Variants in MCC observed in about 807,000 individuals in gnomAD.
MCC encodes colorectal mutant cancer protein.
MCC carries 90 observed loss-of-function variants against 116.2 expected under a neutral mutation model. The ratio of observed to expected loss-of-function variants is 0.77; its 90% CI spans 0.65 to 0.92. The LOEUF (loss-of-function observed/expected upper bound fraction) is 0.92, where lower values mean the gene tolerates loss of function less well. Among genes scored for constraint, MCC ranks in the 40% least tolerant of loss-of-function variants. MCC has a pLI of 0.00. For synonymous variants in MCC, 578 were observed against 510.5 expected (o/e 1.13, Z -1.78); for missense variants, 1,516 against 1,312.2 (o/e 1.16, Z -2.40).
chr5:113,254,381 A>C (rs1581323239), intron 3 of MCC, among the ~76,000 whole-genome samples: 1 of 152,250 alleles, frequency 6.6e-6, no homozygotes, highest in Non-Finnish European at 1.5e-5. Flanking sequence ...CAAGAATAAA[A>C]GGAAAATAAA....
At chr5:113,255,539 C>G (rs1349696305) in intron 3 of MCC, among the ~76,000 whole-genome samples, 2 of 152,124 alleles carry the variant, frequency 1.3e-5, no homozygotes, top group African/African-American at 4.8e-5. Context: ...CTGAATGAAG[C>G]CCAGTTTGAT....
At chr5:113,416,714 A>G (rs1402352524) in intron 1 of MCC, among the ~76,000 whole-genome samples, 2 of 152,050 alleles carry the variant, frequency 1.3e-5, no homozygotes, top group East Asian at 3.9e-4. Flanking sequence ...GAGAGGAGAG[A>G]AATATACTTT....
At chr5:113,446,086 A>C (rs1428735064) in intron 1 of MCC, among the ~76,000 whole-genome samples, 1 of 152,256 alleles carries the variant, frequency 6.6e-6, no homozygotes, top group Non-Finnish European at 1.5e-5. Flanking sequence ...CACCATATAT[A>C]AAAATTAACT....
At chr5:113,342,410 C>G (rs1768039979) in intron 2 of MCC, among the ~76,000 whole-genome samples, 1 of 152,130 alleles carries the variant, frequency 6.6e-6, no homozygotes, top group Non-Finnish European at 1.5e-5. Context: ...TAAGGAACTT[C>G]CATTGTTTTT....
intron 2 of MCC, among the ~76,000 whole-genome samples, chr5:113,373,851 C>A (rs1388132540): frequency 6.6e-6 from 1 of 152,124 alleles, no homozygotes; most frequent in African/African-American, 2.4e-5. Context: ...CACATTTTCA[C>A]TGCAGGATTG....
chr5:113,025,474 A>G lies in MCC; in HGVS notation c.*1828T>C, dbSNP rs1750474350. On this transcript the variant is annotated 3_prime_UTR_variant, in exon 19 of 19. Transcript: ENST00000408903. ...ACCCTGTCTCTACTAAAAATACAAA[A>G]AAACTAGCTGGGTATGGTGGCGGGC... The G allele has an allele frequency of 1.3e-5, 2 of 151,878 alleles. No individual in the cohort carries two copies. The highest frequency in any genetic ancestry group is 2.4e-5 in the African/African-American group (1 of 41,304). 9.4% of individuals were successfully genotyped at this position (151,878 alleles called of 1,614,324 possible).
At chr5:113,084,286 T>C (rs568104102) in intron 9 of MCC, 96 bp from the exon 10 acceptor site, 1 of 931,186 alleles carries the variant, frequency 1.1e-6, no homozygotes, top group Non-Finnish European at 1.7e-6. Context: ...TTTAGCCATG[T>C]CAACTAAATG....
intron 3 of MCC, among the ~76,000 whole-genome samples, chr5:113,338,965 T>C (rs1432151246): frequency 1.3e-5 from 2 of 152,194 alleles, no homozygotes; most frequent in Non-Finnish European, 2.9e-5. Flanking sequence ...ATAAATTTTT[T>C]ATTTTATAAT....
intron 14 of MCC, among the ~76,000 whole-genome samples, chr5:113,054,629 G>T (rs1299380944): frequency 6.6e-6 from 1 of 152,182 alleles, no homozygotes; most frequent in Admixed American, 6.5e-5. Flanking sequence ...AAAAACACAG[G>T]GGTGCACAAC....
intron 1 of MCC, among the ~76,000 whole-genome samples, chr5:113,386,723 T>C (rs1404414165): frequency 6.6e-6 from 1 of 150,578 alleles, no homozygotes; most frequent in African/African-American, 2.5e-5. Flanking sequence ...TTATCTTCTG[T>C]GTACATGTGT....
At position 113,454,386 on chromosome 5, in the gene MCC, T is replaced by C. The variant is rs1020806691; in HGVS notation, c.170+33859A>G. 1.3e-4 allele frequency among the ~76,000 whole-genome samples: 20 copies of C among 152,342 alleles called. No individual in the cohort carries two copies. The East Asian group carries it at 3.5e-3, about 26-fold the overall frequency. ...TCCCAAAATGCTGGAATTACAGGCT[T>C]GAGCCATGGTGCCTGGCCTGTGTTT... On this transcript the variant is annotated intron_variant, in intron 1 of 18. Transcript: ENST00000408903.
At chr5:113,077,018 T>C (rs527460109) in intron 11 of MCC, among the ~76,000 whole-genome samples, 13 of 152,190 alleles carry the variant, frequency 8.5e-5, no homozygotes, top group Admixed American at 7.9e-4. Context: ...TAGTCTCTGA[T>C]AAAACAGACT....
intron 1 of MCC, among the ~76,000 whole-genome samples, chr5:113,469,231 A>ACTT (rs1772008122): frequency 6.6e-6 from 1 of 151,802 alleles, no homozygotes; most frequent in Admixed American, 6.6e-5. Context: ...CTAGCTTTTG[A>ACTT]ATGTGTTTGC....
At chr5:113,327,720 A>G (rs1053676703) in intron 3 of MCC, among the ~76,000 whole-genome samples, 1 of 150,762 alleles carries the variant, frequency 6.6e-6, no homozygotes, top group African/African-American at 2.4e-5. Context: ...AACAGAAACA[A>G]AAACTGAAGG....
At chr5:113,203,268 G>C (rs1762763689) in intron 3 of MCC, 1 of 152,448 alleles carries the variant, frequency 6.6e-6, no homozygotes, top group Admixed American at 6.5e-5. Flanking sequence ...CCTTGCCCAA[G>C]AGGTGTGGGG....
intron 8 of MCC, among the ~76,000 whole-genome samples, chr5:113,098,194 T>A (rs924875329): frequency 6.6e-6 from 1 of 152,192 alleles, no homozygotes; most frequent in Admixed American, 6.5e-5. Flanking sequence ...TTTTGCCACA[T>A]CATGGCTGAC....
chr5:113,172,930 A>T lies in MCC; in HGVS notation c.628-21508T>A, dbSNP rs1035894614. 3.9e-5 allele frequency among the ~76,000 whole-genome samples: 6 copies of T among 151,998 alleles called. No individual in the cohort carries two copies. In the South Asian group the frequency reaches 6.2e-4, roughly 16 times the overall value. On this transcript the variant is annotated intron_variant, in intron 3 of 18. Coordinates refer to ENST00000408903, the MANE Select transcript of MCC (RefSeq NM_001085377.2). ...TAGTCTTCATTTTCTTGATTATTTC[A>T]GGATAAACTTTTTGTCGTAAATCTA...
chr5:113,030,947 A>G (rs1267417113), intron 17 of MCC, among the ~76,000 whole-genome samples: 9 of 152,114 alleles, frequency 5.9e-5, no homozygotes, highest in Admixed American at 5.9e-4. Flanking sequence ...GTAAAGTGCG[A>G]GTTAGAGTCA....
intron 3 of MCC, among the ~76,000 whole-genome samples, chr5:113,256,684 G>A (rs954083770): frequency 6.6e-6 from 1 of 152,136 alleles, no homozygotes; most frequent in Non-Finnish European, 1.5e-5. Flanking sequence ...TGTTGACCTT[G>A]GGAAGCCTGA....
Sources: allele counts gnomAD v4.1 joint callset (sites outside exome capture counted in the v4.1 genomes callset), GRCh38; gene constraint gnomAD v4.1.1; transcripts MANE v1.5; gene names NCBI Gene and HGNC (gene_info 2026-07-23, HGNC 2026-07-21).